KSR2: variants seen among roughly 807,000 people sequenced by gnomAD.
KSR2 encodes the protein kinase suppressor of ras 2.
KSR2 carries 25 observed loss-of-function variants against 107.8 expected under a neutral mutation model. That is an observed-to-expected ratio of 0.23 (90% confidence interval 0.17 to 0.32). KSR2 has a LOEUF of 0.32. KSR2 is among the 10% of genes least tolerant of loss of function. The pLI, the probability that KSR2 is intolerant of heterozygous loss-of-function variation, is 1.00. For missense variants in KSR2, 887 were observed against 1,268.9 expected, an observed-to-expected ratio of 0.70 and a Z score of 4.57; for synonymous variants, 480 against 507.0, an observed-to-expected ratio of 0.95 and a Z score of 0.71.
rs59662300 is a variant in KSR2, at chr12:117,956,249, C to CAA, written c.180+11825_180+11826dup. ...TGGGCGACAGAGCAAGACTCTGTCT[C>CAA]AAAAAAAAAAAAAAAAAAAAAAAAA... On this transcript the variant is annotated intron_variant, in intron 1 of 19. Transcript: ENST00000339824. Among the ~76,000 whole-genome samples, 41 of 47,490 alleles carry CAA rather than the reference C, an allele frequency of 8.6e-4. 2 individuals are homozygous for CAA. Among genetic ancestry groups the CAA allele is most frequent in the South Asian group, 1.7e-3 (2 of 1,196 alleles). The allele number at this position is 47,490 out of a possible 152,430, so 31.2% of individuals were successfully genotyped here.
chr12:117,760,940 C>A, intron 4 of KSR2, 71 bp downstream of exon 4: 1 of 1,592,000 alleles, frequency 6.3e-7, no homozygotes, highest in South Asian at 1.1e-5. Context: ...CTGGGCAGTT[C>A]CTGGGACCAA....
intron 14 of KSR2, among the ~76,000 whole-genome samples, chr12:117,521,475 C>T (rs185691986): frequency 5.3e-5 from 8 of 152,188 alleles, no homozygotes; most frequent in Admixed American, 1.3e-4. Flanking sequence ...TTGCGCAGAC[C>T]GTCGATAGCT....
Position 117,860,489 on chromosome 12 carries a change from A to G in KSR2, c.181-58T>C, listed in dbSNP as rs940007838. 2.0e-5 allele frequency: 30 copies of G among 1,517,960 alleles called. No individual in the cohort carries two copies. The Admixed American group carries it at 5.7e-4, about 29-fold the overall frequency. 94.0% of individuals were successfully genotyped at this position (1,517,960 alleles called of 1,614,324 possible). ...TCTCAGAGGCAGTGACACAAGGAAG[A>G]GAGGCGAGAACCCCCTACGAACCCC... On this transcript the variant is annotated intron_variant, in intron 1 of 19. Coordinates refer to ENST00000339824, the MANE Select transcript of KSR2 (RefSeq NM_173598.6).
At chr12:117,963,651 A>G (rs1896719448) in intron 1 of KSR2, among the ~76,000 whole-genome samples, 1 of 152,156 alleles carries the variant, frequency 6.6e-6, no homozygotes, top group Non-Finnish European at 1.5e-5. Flanking sequence ...TATGCATTCC[A>G]AAACCTTTGA....
intron 3 of KSR2, among the ~76,000 whole-genome samples, chr12:117,779,680 G>C (rs1203332720): frequency 4.6e-5 from 7 of 152,142 alleles, no homozygotes; most frequent in Non-Finnish European, 1.0e-4. Context: ...TGCTTTAAAA[G>C]TGTTTAGCAG....
intron 14 of KSR2, among the ~76,000 whole-genome samples, chr12:117,522,031 C>T (rs780683080): frequency 2.6e-5 from 4 of 152,178 alleles, no homozygotes; most frequent in Non-Finnish European, 5.9e-5. Context: ...TACCAAAACA[C>T]TTCAGAGACC....
chr12:117,630,323 G>A lies in KSR2; in HGVS notation c.1171+37151C>T, dbSNP rs552720141. 2.6e-4 allele frequency among the ~76,000 whole-genome samples: 40 copies of A among 152,244 alleles called. 1 individual carries two copies. Among genetic ancestry groups the A allele is most frequent in the African/African-American group, 8.2e-4 (34 of 41,538 alleles). On this transcript the variant is annotated intron_variant, in intron 5 of 19. Transcript: ENST00000339824. ...CCCTGGGGTTGAAGACAATATGGTG[G>A]TATGAAGAATGCCAGTAGGGGAGGA...
At position 117,805,924 on chromosome 12, in the gene KSR2, G is replaced by A. The variant is rs1890992200; in HGVS notation, c.473-44400C>T. Among the ~76,000 whole-genome samples the A allele has an allele frequency of 3.9e-5, 6 of 152,302 alleles. No individual in the cohort carries two copies. The South Asian group carries it at 1.2e-3, about 32-fold the overall frequency. ...TTGAACACAGGAGGCAGAGGTTGCA[G>A]TGAGCCAAGATTGTGCCACTGCACT... On this transcript the variant is annotated intron_variant, in intron 3 of 19. Transcript: ENST00000339824.
At chr12:117,584,447 A>C (rs1248776828) in intron 5 of KSR2, among the ~76,000 whole-genome samples, 2 of 152,150 alleles carry the variant, frequency 1.3e-5, no homozygotes, top group Non-Finnish European at 2.9e-5. Flanking sequence ...CCTCACAAGG[A>C]AATCTACAAA....
intron 4 of KSR2, among the ~76,000 whole-genome samples, chr12:117,740,240 T>C (rs1888121725): frequency 6.7e-6 from 1 of 149,756 alleles, no homozygotes; most frequent in Non-Finnish European, 1.5e-5. Context: ...CCATCCAGGT[T>C]GCTGCGAATG....
intron 1 of KSR2, among the ~76,000 whole-genome samples, chr12:117,915,720 A>G (rs1172540731): frequency 6.6e-6 from 1 of 152,160 alleles, no homozygotes; most frequent in Non-Finnish European, 1.5e-5. Flanking sequence ...ACCTCTTTCA[A>G]AACCTGATTC....
At chr12:117,613,803 C>A (rs545700378) in intron 5 of KSR2, among the ~76,000 whole-genome samples, 2 of 152,306 alleles carry the variant, frequency 1.3e-5, no homozygotes, top group African/African-American at 4.8e-5. Flanking sequence ...CTTTGTGGCT[C>A]ACAGTGAAGT....
intron 5 of KSR2, among the ~76,000 whole-genome samples, chr12:117,588,025 G>A (rs563300447): frequency 6.6e-6 from 1 of 152,174 alleles, no homozygotes; most frequent in South Asian, 2.1e-4. Flanking sequence ...CCTTCCCAAG[G>A]TCATTCTCCC....
intron 14 of KSR2, among the ~76,000 whole-genome samples, chr12:117,520,160 A>G (rs991585991): frequency 2.6e-5 from 4 of 152,326 alleles, no homozygotes; most frequent in Non-Finnish European, 5.9e-5. Context: ...ATTTAGATAT[A>G]CATTTGCTTA....
chr12:117,698,143 T>G (rs1232231966), intron 4 of KSR2, among the ~76,000 whole-genome samples: 1 of 152,216 alleles, frequency 6.6e-6, no homozygotes, highest in African/African-American at 2.4e-5. Flanking sequence ...TGCTCCCACC[T>G]TGATTTCAGA....
intron 2 of KSR2, among the ~76,000 whole-genome samples, chr12:117,857,424 C>T (rs145911081): frequency 6.4e-4 from 98 of 152,204 alleles, no homozygotes; most frequent in African/African-American, 2.1e-3. Context: ...AAAGGATTCT[C>T]CTCTTTGCTT....
chr12:117,607,780 G>A (rs1881371370), intron 5 of KSR2, among the ~76,000 whole-genome samples: 1 of 152,164 alleles, frequency 6.6e-6, no homozygotes, highest in South Asian at 2.1e-4. Context: ...TAACCTGGGG[G>A]TTCTGCGGAT....
In KSR2 at chr12:117,558,442, G is replaced by C. The variant is rs371466921; in HGVS notation, c.1393+64C>G. ...AGAACCAACCTGATGGGACAGCTAT[G>C]TGGGGGACCTGCAGGAGCCCCACCT... On this transcript the variant is annotated intron_variant, in intron 8 of 19. Coordinates refer to ENST00000339824, the MANE Select transcript of KSR2 (RefSeq NM_173598.6). 4.6e-6 allele frequency: 6 copies of C among 1,299,190 alleles called. No individual in the cohort carries two copies. The African/African-American group carries it at 8.8e-5, about 19-fold the overall frequency. The allele number at this position is 1,299,190 out of a possible 1,614,324, so 80.5% of individuals were successfully genotyped here.
At chr12:117,748,746 ATTATAC>A (rs1321554095) in intron 4 of KSR2, among the ~76,000 whole-genome samples, 1 of 152,188 alleles carries the variant, frequency 6.6e-6, no homozygotes, top group African/African-American at 2.4e-5. Flanking sequence ...GCTTAATGCA[ATTATAC>A]TTATGATGAC....
Sources: gnomAD v4.1 joint callset for allele counts (sites outside exome capture counted in the v4.1 genomes callset) on GRCh38, gnomAD v4.1.1 for gene constraint, MANE v1.5 for transcripts, NCBI Gene and HGNC (gene_info 2026-07-23, HGNC 2026-07-21) for gene names.